TBC1D10A: variants seen among roughly 807,000 people sequenced by gnomAD.
TBC1D10A encodes TBC1 domain family member 10A.
In TBC1D10A, 24 loss-of-function variants were observed where a neutral mutation model predicts 52.9. The observed-to-expected ratio is 0.45, with a 90% CI of 0.33 to 0.64. TBC1D10A has a LOEUF of 0.64. TBC1D10A is among the 30% of genes least tolerant of loss of function. The pLI, the probability that TBC1D10A is intolerant of heterozygous loss-of-function variation, is 0.02. For missense variants in TBC1D10A, 602 were observed against 687.9 expected (o/e 0.88, Z 1.40); for synonymous variants, 278 against 282.9 (o/e 0.98, Z 0.17).
In TBC1D10A at chr22:30,292,540, G is replaced by T. The variant is rs1929968862; in HGVS notation, c.1362C>A (p.Ala454=). The change falls in exon 9 of 9, where the codon GCC becomes GCA. Residue 454 remains alanine, a synonymous_variant. Transcript: ENST00000215790. ...QLEKPPAPNQ[A]MVVAAAGDAC... ...CATCTCCTGCAGCGGCCACCACCATGGCTTGATTTGGGGCTGGGGGCTTCT... is the reference window on the plus strand; with the variant it reads ...CATCTCCTGCAGCGGCCACCACCATTGCTTGATTTGGGGCTGGGGGCTTCT... 2 of 1,613,462 alleles carry T rather than the reference G, an allele frequency of 1.2e-6. No homozygotes were observed.
intron 8 of TBC1D10A, chr22:30,293,133 C>T (rs1335302839): frequency 1.6e-6 from 1 of 631,710 alleles, no homozygotes; most frequent in Non-Finnish European, 2.9e-6. Flanking sequence ...AAGACCCAGA[C>T]AGACAAAAAC....
At chr22:30,305,645 C>T (rs775127029) in intron 1 of TBC1D10A, 2 of 152,310 alleles carry the variant, frequency 1.3e-5, no homozygotes, top group Non-Finnish European at 2.9e-5. Flanking sequence ...GGGGCTGGGG[C>T]TTGGCCCAGG....
chr22:30,294,477 A>G (rs370206346), intron 6 of TBC1D10A, among the ~76,000 whole-genome samples: 6 of 152,354 alleles, frequency 3.9e-5, no homozygotes, highest in Admixed American at 2.0e-4. Flanking sequence ...TTTAGGGGAC[A>G]GCACGGGGAA....
At chr22:30,313,350 T>C (rs1930465338) in intron 1 of TBC1D10A, among the ~76,000 whole-genome samples, 1 of 64,062 alleles carries the variant, frequency 1.6e-5, no homozygotes, top group African/African-American at 3.7e-5. Context: ...AATGTGTGTG[T>C]GTGTGTGTGT....
Position 30,295,805 on chromosome 22 carries a change from G to A in TBC1D10A, c.456C>T (p.Asp152=), listed in dbSNP as rs760214477. The change falls in exon 4 of 9, where the codon GAC becomes GAT. Residue 152 remains aspartate (D), a synonymous_variant. Coordinates refer to ENST00000215790, the MANE Select transcript of TBC1D10A (RefSeq NM_031937.3). ...GCCGGTGCAGGTCACGCTCAATCACGTCCAGCCACTTGGGGTCCCCAGGGG... is the reference window on the plus strand; with the variant it reads ...GCCGGTGCAGGTCACGCTCAATCACATCCAGCCACTTGGGGTCCCCAGGGG... ...DMSPGDPKWL[D]VIERDLHRQF... The A allele has an allele frequency of 4.2e-5, 68 of 1,613,870 alleles. No individual in the cohort carries two copies. The highest frequency in any genetic ancestry group is 5.0e-5 in the Non-Finnish European group (59 of 1,180,008).
chr22:30,301,915 G>C (rs970996003), intron 2 of TBC1D10A, among the ~76,000 whole-genome samples: 1 of 152,192 alleles, frequency 6.6e-6, no homozygotes, highest in African/African-American at 2.4e-5. Flanking sequence ...TATGGGACAA[G>C]GGTCTCCTTA....
At chr22:30,302,298 T>C (rs976171326) in intron 2 of TBC1D10A, among the ~76,000 whole-genome samples, 1 of 152,224 alleles carries the variant, frequency 6.6e-6, no homozygotes, top group Non-Finnish European at 1.5e-5. Flanking sequence ...TGATGAAAGC[T>C]GAGTGAGGAC....
Position 30,294,820 on chromosome 22 carries a change from C to T in TBC1D10A, c.681G>A (p.Leu227=). Residue 227 remains leucine, a synonymous_variant, in exon 6 of 9, where the codon CTG becomes CTA. Coordinates refer to ENST00000215790, the MANE Select transcript of TBC1D10A (RefSeq NM_031937.3). ...WCLVQICEKY[L]PGYYSEKLEA... is the part of the protein sequence containing the mutation. ...CCAGTTTCTCGCTGTAGTAGCCGGG[C>T]AGGTACTTCTCACAGATCTGTACCA... 1.2e-6 allele frequency: 2 copies of T among 1,614,170 alleles called. No individual in the cohort carries two copies. The highest frequency in any genetic ancestry group is 1.7e-6 in the Non-Finnish European group (2 of 1,180,030).
intron 1 of TBC1D10A, 21 bp from the exon 2 acceptor site, chr22:30,304,651 C>A (rs1261913336): frequency 6.2e-7 from 1 of 1,611,952 alleles, no homozygotes; most frequent in Non-Finnish European, 8.5e-7. Flanking sequence ...GAGGGCAGGG[C>A]CTGTGAGAGG....
chr22:30,294,104 T>C lies in TBC1D10A; in HGVS notation c.712A>G (p.Ile238Val). ...AAAAGGATCTCCCCGTCCAGCTGGATCGCCTCCTAGGGAGACATCGAGGCC... is the reference window on the plus strand; with the variant it reads ...AAAAGGATCTCCCCGTCCAGCTGGACCGCCTCCTAGGGAGACATCGAGGCC... ...PGYYSEKLEA[I>V]QLDGEILFSL... Residue 238 changes from isoleucine to valine, a missense_variant, in exon 7 of 9, where the codon ATC (isoleucine) becomes GTC (valine). Ile to Val is a conservative substitution (Grantham distance 29, BLOSUM62 3). This residue lies in a region of TBC1D10A where 136 missense variants were observed against 208.4 expected (regional missense o/e 0.65). Coordinates refer to ENST00000215790, the MANE Select transcript of TBC1D10A (RefSeq NM_031937.3). The C allele has an allele frequency of 6.2e-7, 1 of 1,613,480 alleles. No homozygotes were observed. The highest frequency in any genetic ancestry group is 1.1e-5 in the South Asian group (1 of 91,074).
intron 1 of TBC1D10A, among the ~76,000 whole-genome samples, chr22:30,318,239 C>T (rs565272616): frequency 6.6e-6 from 1 of 152,288 alleles, no homozygotes; most frequent in East Asian, 1.9e-4. Flanking sequence ...TCAGTGTATG[C>T]TGTGTCCAAA....
In TBC1D10A at chr22:30,326,775, T is replaced by G. The variant is rs1490843677; in HGVS notation, c.107A>C (p.Asp36Ala). The change falls in exon 1 of 9, where the codon GAC becomes GCC. Residue 36 changes from aspartate to alanine, a missense_variant. Around this residue, in one of 3 missense-constraint regions of TBC1D10A, gnomAD observed 201 missense variants for 204.4 expected, o/e 0.98. Coordinates refer to ENST00000215790, the MANE Select transcript of TBC1D10A (RefSeq NM_031937.3). ...GTCAGACCCGAGAGAGCTGAGTTCGTCGGTGGTTGCGGCGTCGGGGCCCTG... is the reference window on the plus strand; with the variant it reads ...GTCAGACCCGAGAGAGCTGAGTTCGGCGGTGGTTGCGGCGTCGGGGCCCTG... ...LAQGPDAATT[D>A]ELSSLGSDSE... The G allele has an allele frequency of 6.6e-7, 1 of 1,508,844 alleles. No homozygotes were observed. The highest frequency in any genetic ancestry group is 1.5e-5 in the African/African-American group (1 of 68,934). 93.5% of individuals were successfully genotyped at this position (1,508,844 alleles called of 1,614,324 possible).
Position 30,292,200 on chromosome 22 carries a change from G to A in TBC1D10A, c.*175C>T, listed in dbSNP as rs1929957459. On this transcript the variant is annotated 3_prime_UTR_variant, in exon 9 of 9. Transcript: ENST00000215790. ...CCACTGTAAAGAAAATAAATAAGGA[G>A]GCTCAGGCAGAATCTGTGTTGGACC... The A allele has an allele frequency of 5.3e-6, 3 of 568,138 alleles. No homozygotes were observed. Among genetic ancestry groups the A allele is most frequent in the South Asian group, 3.5e-5 (1 of 28,806 alleles). The allele number at this position is 568,138 out of a possible 1,614,324, so 35.2% of individuals were successfully genotyped here.
chr22:30,324,741 T>C (rs934485869), intron 1 of TBC1D10A, among the ~76,000 whole-genome samples: 7 of 152,308 alleles, frequency 4.6e-5, no homozygotes, highest in African/African-American at 1.7e-4. Context: ...ATATACTCAT[T>C]TAACCCCCAG....
At chr22:30,319,877 G>A (rs1312599738) in intron 1 of TBC1D10A, among the ~76,000 whole-genome samples, 7 of 152,220 alleles carry the variant, frequency 4.6e-5, no homozygotes, top group African/African-American at 1.7e-4. Flanking sequence ...ACAACGGATG[G>A]ATGATGGCAG....
At chr22:30,295,191 C>A in intron 4 of TBC1D10A, 136 bp from the exon 5 acceptor site, 2 of 821,354 alleles carry the variant, frequency 2.4e-6, no homozygotes, top group Non-Finnish European at 3.9e-6. Context: ...TTGTGGTCAC[C>A]AAGGGGTCAG....
At chr22:30,315,556 C>T (rs907215301) in intron 1 of TBC1D10A, among the ~76,000 whole-genome samples, 4 of 152,202 alleles carry the variant, frequency 2.6e-5, no homozygotes, top group Non-Finnish European at 5.9e-5. Context: ...AGCCACAGTG[C>T]CCAGCCTAGG....
intron 1 of TBC1D10A, among the ~76,000 whole-genome samples, chr22:30,307,390 G>A (rs1390753464): frequency 6.6e-6 from 1 of 152,168 alleles, no homozygotes; most frequent in Non-Finnish European, 1.5e-5. Context: ...ACTCCTCCAG[G>A]GATGGGCCTT....
rs775040878 is a variant in TBC1D10A at position 30,292,460 on chromosome 22, G to A, written c.1442C>T (p.Pro481Leu). Residue 481 changes from proline (P) to leucine (L), a missense_variant, in exon 9 of 9, where the codon CCT becomes CTT. Transcript: ENST00000215790. Reference sequence around the variant, plus strand: ...TGAGACCTGGGGAGCCAAATCCTGAGGGGCTGAGTCCTTGGGGGCTGAGTC... The same window carrying A: ...TGAGACCTGGGGAGCCAAATCCTGAAGGGCTGAGTCCTTGGGGGCTGAGTC... The part of the protein sequence containing the change: ...PKDSAPKDSA[P>L]QDLAPQVSAH... 6.2e-7 allele frequency: 1 copy of A among 1,603,478 alleles called. No individual in the cohort carries two copies. Among genetic ancestry groups the A allele is most frequent in the Non-Finnish European group, 8.5e-7 (1 of 1,173,870 alleles).
Sources: allele counts gnomAD v4.1 joint callset (sites outside exome capture counted in the v4.1 genomes callset), GRCh38; gene constraint gnomAD v4.1.1; regional missense constraint gnomAD v4.1.1; transcripts MANE v1.5; gene names NCBI Gene and HGNC (gene_info 2026-07-23, HGNC 2026-07-21).